Variants in LRSAM1 observed in about 807,000 individuals in gnomAD.
The protein encoded by LRSAM1 is leucine rich repeat and sterile alpha motif containing 1.
LRSAM1 carries 96 observed loss-of-function variants against 118.1 expected under a neutral mutation model. The ratio of observed to expected loss-of-function variants is 0.81; its 90% confidence interval spans 0.69 to 0.96. The LOEUF (loss-of-function observed/expected upper bound fraction) is 0.96, where lower values mean the gene tolerates loss of function less well. LRSAM1 is among the 40% of genes least tolerant of loss of function. The pLI, the probability that LRSAM1 is intolerant of heterozygous loss-of-function variation, is 0.00. For synonymous variants in LRSAM1, 322 were observed against 364.2 expected, an observed-to-expected ratio of 0.88 and a Z score of 1.32; for missense variants, 804 against 915.5, an observed-to-expected ratio of 0.88 and a Z score of 1.57.
Position 127,501,065 on chromosome 9 carries a change from T to C in LRSAM1, c.1968T>C (p.Pro656=). The C allele has an allele frequency of 6.2e-7, 1 of 1,614,024 alleles. No homozygotes were observed. The highest frequency in any genetic ancestry group is 1.1e-5 in the South Asian group (1 of 91,082). The change falls in exon 25 of 26, where the codon CCT becomes CCC. Residue 656 remains proline, a synonymous_variant. Coordinates refer to ENST00000300417, the MANE Select transcript of LRSAM1 (RefSeq NM_001005373.4). ...VVTPTAPQEP[P]ESVRPSAPPA... ...CCCCTACGGCCCCCCAGGAGCCTCCTGAGTCTGTGAGGCCATCCGCTCCCC... is the reference window on the plus strand; with the variant it reads ...CCCCTACGGCCCCCCAGGAGCCTCCCGAGTCTGTGAGGCCATCCGCTCCCC...
intron 8 of LRSAM1, among the ~76,000 whole-genome samples, chr9:127,461,738 G>T (rs1834754700): frequency 6.6e-6 from 1 of 152,250 alleles, no homozygotes; most frequent in South Asian, 2.1e-4. Flanking sequence ...CACCCCGTGG[G>T]ATGGTGACAG....
At chr9:127,483,066 G>T in intron 16 of LRSAM1, 46 bp downstream of exon 16, 1 of 1,568,252 alleles carries the variant, frequency 6.4e-7, no homozygotes, top group South Asian at 1.1e-5. Context: ...CCTGCTGGCT[G>T]GGCTGGCAGG....
Position 127,454,983 on chromosome 9 carries a change from T to A in LRSAM1, c.73-15T>A. 1 of 1,613,772 alleles carries A rather than the reference T, an allele frequency of 6.2e-7. No homozygotes were observed. The highest frequency in any genetic ancestry group is 1.3e-5 in the African/African-American group (1 of 75,054). On this transcript the variant is annotated splice_polypyrimidine_tract_variant and intron_variant, in intron 3 of 25. Coordinates refer to ENST00000300417, the MANE Select transcript of LRSAM1 (RefSeq NM_001005373.4). ...TTTTGTCTTAATACTTTTTAAAAATTCTTTTTATCCTTAGGCAAAAGAAGC... is the reference window on the plus strand; with the variant it reads ...TTTTGTCTTAATACTTTTTAAAAATACTTTTTATCCTTAGGCAAAAGAAGC...
chr9:127,470,095 A>G (rs1479216366), intron 10 of LRSAM1, among the ~76,000 whole-genome samples: 1 of 152,070 alleles, frequency 6.6e-6, no homozygotes, highest in African/African-American at 2.4e-5. Context: ...ATTATTCTCA[A>G]TATCTACTCA....
In LRSAM1 at chr9:127,465,996, CA is replaced by C. The variant is rs112364362; in HGVS notation, c.529-1736del. Among the ~76,000 whole-genome samples, 3 of 151,694 alleles carry C rather than the reference CA, an allele frequency of 2.0e-5. No individual in the cohort carries two copies. Among genetic ancestry groups the C allele is most frequent in the African/African-American group, 7.3e-5 (3 of 41,254 alleles). ...AAAAGTCATACTGTATATTGTAAAA[CA>C]AAAAAAATGCAAATATTAAGAAACA... On this transcript the variant is annotated intron_variant, in intron 9 of 25. Coordinates refer to ENST00000300417, the MANE Select transcript of LRSAM1 (RefSeq NM_001005373.4). The surrounding 1 kb of genome is among the most constrained non-coding windows in gnomAD (Gnocchi z 4.1).
intron 21 of LRSAM1, among the ~76,000 whole-genome samples, 175 bp from the exon 22 acceptor site, chr9:127,495,145 G>T (rs1249860701): frequency 6.6e-6 from 1 of 151,958 alleles, no homozygotes; most frequent in Non-Finnish European, 1.5e-5. Flanking sequence ...GAGGTGGGGG[G>T]TTTCTCCATG....
chr9:127,469,692 G>A (rs1175495227), intron 10 of LRSAM1, among the ~76,000 whole-genome samples: 3 of 152,010 alleles, frequency 2.0e-5, no homozygotes, highest in Non-Finnish European at 2.9e-5. Context: ...GGCCGGGCGC[G>A]GTGGCTCGCG....
chr9:127,493,491 A>G (rs192906020), intron 21 of LRSAM1, among the ~76,000 whole-genome samples: 2 of 152,274 alleles, frequency 1.3e-5, no homozygotes, highest in East Asian at 3.9e-4. Context: ...ATTCTTTTCA[A>G]GTCATTAAAC....
intron 3 of LRSAM1, 29 bp downstream of exon 3, chr9:127,454,628 T>C (rs764897663): frequency 6.2e-6 from 10 of 1,609,306 alleles, no homozygotes; most frequent in Admixed American, 1.7e-5. Flanking sequence ...CCTCTAACTC[T>C]ATCCCATCTC....
intron 23 of LRSAM1, among the ~76,000 whole-genome samples, chr9:127,496,647 T>G (rs1028389057): frequency 6.6e-6 from 1 of 152,176 alleles, no homozygotes; most frequent in Non-Finnish European, 1.5e-5. Flanking sequence ...ATCTTTCAGT[T>G]GAGACCCAGT....
chr9:127,464,903 A>G (rs968050716), intron 9 of LRSAM1, among the ~76,000 whole-genome samples: 6 of 152,018 alleles, frequency 3.9e-5, no homozygotes, highest in African/African-American at 1.5e-4. Flanking sequence ...TTGACTCCCA[A>G]GTAGGTGGGA....
rs771006038 is a variant in LRSAM1 at position 127,454,508 on chromosome 9, C to T, written c.-20C>T. The stretch of plus-strand genomic sequence containing the variant: ...TCCTGTGCCCCAGGGTCCTAAAGAT[C>T]GCTCTGGGAAAAGGGAAGGATGCCG... On this transcript the variant is annotated 5_prime_UTR_variant, in exon 3 of 26. Coordinates refer to ENST00000300417, the MANE Select transcript of LRSAM1 (RefSeq NM_001005373.4). The T allele has an allele frequency of 8.1e-6, 13 of 1,613,854 alleles. No homozygotes were observed. The highest frequency in any genetic ancestry group is 1.7e-5 in the Admixed American group (1 of 59,974).
chr9:127,469,382 A>G (rs546625980), intron 10 of LRSAM1, among the ~76,000 whole-genome samples: 4 of 152,256 alleles, frequency 2.6e-5, no homozygotes, highest in Non-Finnish European at 5.9e-5. Flanking sequence ...AGGCAGGAGA[A>G]TCACTTGAAC....
At chr9:127,491,078 G>C in intron 19 of LRSAM1, 137 bp from the exon 20 acceptor site, 1 of 766,392 alleles carries the variant, frequency 1.3e-6, no homozygotes, top group South Asian at 1.4e-5. Context: ...CAGGCCCGCA[G>C]GTTCCCCTCA....
At chr9:127,471,001 A>C (rs931023112) in intron 10 of LRSAM1, 2 of 151,804 alleles carry the variant, frequency 1.3e-5, no homozygotes, top group Non-Finnish European at 2.9e-5. Flanking sequence ...AAGAGAGAGA[A>C]AGATTTTGTG....
At chr9:127,469,153 G>A (rs890533222) in intron 10 of LRSAM1, among the ~76,000 whole-genome samples, 2 of 152,106 alleles carry the variant, frequency 1.3e-5, no homozygotes, top group East Asian at 3.9e-4. Flanking sequence ...AAAGACATTA[G>A]CAAAAGACTT....
rs545053269 is a variant in LRSAM1 at position 127,476,322 on chromosome 9, T to A, written c.750+2391T>A. On this transcript the variant is annotated intron_variant, in intron 11 of 25. Coordinates refer to ENST00000300417, the MANE Select transcript of LRSAM1 (RefSeq NM_001005373.4). ...ATGGGCTAGTCTATTTCCATTCTTA[T>A]GTTTAAAAAGAAAACTCAATCAACA... is the stretch of plus-strand genomic sequence containing the variant. 4.6e-5 allele frequency among the ~76,000 whole-genome samples: 7 copies of A among 152,238 alleles called. 1 individual carries two copies. In the Middle Eastern group the frequency reaches 0.014, roughly 296 times the overall value.
chr9:127,471,833 T>C (rs1397593711), intron 10 of LRSAM1, among the ~76,000 whole-genome samples: 1 of 150,340 alleles, frequency 6.7e-6, no homozygotes, highest in Non-Finnish European at 1.5e-5. Context: ...TGGCTAATTT[T>C]TGTATTTTTA....
intron 19 of LRSAM1, 117 bp downstream of exon 19, chr9:127,489,635 C>A: frequency 8.7e-7 from 1 of 1,154,876 alleles, no homozygotes; most frequent in Non-Finnish European, 1.2e-6. Context: ...GCTTGCTAGC[C>A]CAACAAGAGG....
Sources: allele counts gnomAD v4.1 joint callset (sites outside exome capture counted in the v4.1 genomes callset), GRCh38; gene constraint gnomAD v4.1.1; non-coding constraint Gnocchi (gnomAD v3.1); transcripts MANE v1.5; gene names NCBI Gene and HGNC (gene_info 2026-07-23, HGNC 2026-07-21).